Variants in RGS9 observed in about 807,000 individuals in gnomAD.
RGS9 encodes regulator of G protein signaling 9.
RGS9 carries 78 observed loss-of-function variants against 102.0 expected under a neutral mutation model. The ratio of observed to expected loss-of-function variants is 0.76; its 90% CI spans 0.64 to 0.92. RGS9 has a LOEUF of 0.92. RGS9 is among the 40% of genes least tolerant of loss of function. RGS9 has a pLI of 0.00. For missense variants in RGS9, 833 were observed against 866.1 expected, an observed-to-expected ratio of 0.96 and a Z score of 0.48; for synonymous variants, 353 against 318.6, an observed-to-expected ratio of 1.11 and a Z score of -1.15.
At chr17:65,223,777 G>A (rs1467509602) in intron 17 of RGS9, among the ~76,000 whole-genome samples, 1 of 146,474 alleles carries the variant, frequency 6.8e-6, no homozygotes, top group African/African-American at 2.5e-5. Flanking sequence ...TTAAGATGGA[G>A]TTTTGCTCTG....
intron 2 of RGS9, 73 bp downstream of exon 2, chr17:65,153,591 T>C: frequency 5.5e-6 from 7 of 1,280,466 alleles, no homozygotes; most frequent in Non-Finnish European, 4.6e-6. Flanking sequence ...CTCCTGTGTT[T>C]GTAAAAAACT....
At chr17:65,194,794 G>A (rs1912521020) in intron 12 of RGS9, among the ~76,000 whole-genome samples, 1 of 152,180 alleles carries the variant, frequency 6.6e-6, no homozygotes, top group Non-Finnish European at 1.5e-5. Context: ...GATGGGAAAG[G>A]AAGGAGTGCC....
At chr17:65,215,483 TC>T (rs1264628543) in intron 17 of RGS9, among the ~76,000 whole-genome samples, 1 of 115,012 alleles carries the variant, frequency 8.7e-6, no homozygotes, top group Admixed American at 8.6e-5. Context: ...TCTCTATCTT[TC>T]TTTCGTTCTT....
At chr17:65,158,209 AAGG>A (rs1291003681) in intron 2 of RGS9, 83 bp from the exon 3 acceptor site, 3 of 1,260,946 alleles carry the variant, frequency 2.4e-6, no homozygotes, top group Non-Finnish European at 3.5e-6. Context: ...GCTGAACGGG[AAGG>A]AGACCAGTCA....
intron 17 of RGS9, among the ~76,000 whole-genome samples, chr17:65,222,084 G>T (rs1407460293): frequency 6.6e-6 from 1 of 152,214 alleles, no homozygotes; most frequent in Non-Finnish European, 1.5e-5. Flanking sequence ...AGCTCATTTG[G>T]GTTGCTGGCA....
chr17:65,158,152 G>A (rs905744004), intron 2 of RGS9, 143 bp from the exon 3 acceptor site: 2 of 787,576 alleles, frequency 2.5e-6, no homozygotes, highest in Non-Finnish European at 2.3e-6. Context: ...TGAGCATGAT[G>A]AGGTGGGGGT....
chr17:65,199,488 C>CTTTTTTT (rs3034101), intron 13 of RGS9, among the ~76,000 whole-genome samples: 5 of 108,326 alleles, frequency 4.6e-5, no homozygotes, highest in Non-Finnish European at 8.8e-5. Context: ...GCTTCTGTTC[C>CTTTTTTT]TTTTTTTTTT....
At chr17:65,208,416 G>A (rs1913154192) in intron 16 of RGS9, among the ~76,000 whole-genome samples, 1 of 152,182 alleles carries the variant, frequency 6.6e-6, no homozygotes, top group African/African-American at 2.4e-5. Context: ...TGCACCCCAA[G>A]AGAAAATGCT....
chr17:65,143,625 TAC>T (rs539811474), intron 1 of RGS9, among the ~76,000 whole-genome samples: 8 of 149,908 alleles, frequency 5.3e-5, no homozygotes, highest in Non-Finnish European at 6.0e-5. Flanking sequence ...CTACCAAAAA[TAC>T]ACACACACAC....
chr17:65,171,937 G>A (rs560991048), intron 8 of RGS9, among the ~76,000 whole-genome samples: 31 of 152,308 alleles, frequency 2.0e-4, no homozygotes, highest in Middle Eastern at 3.4e-3. Flanking sequence ...TGCCTCCCAA[G>A]GATGTAGTCT....
Position 65,197,234 on chromosome 17 carries a change from A to G in RGS9, c.969A>G (p.Glu323=), listed in dbSNP as rs1471933920. The G allele has an allele frequency of 6.3e-7, 1 of 1,599,474 alleles. No individual in the cohort carries two copies. Among genetic ancestry groups the G allele is most frequent in the African/African-American group, 1.3e-5 (1 of 74,716 alleles). Residue 323 remains glutamate, a synonymous_variant, in exon 13 of 19, where the codon GAA becomes GAG. Coordinates refer to ENST00000262406, the MANE Select transcript of RGS9 (RefSeq NM_003835.4). ...GCTTCCAGTACTTCCTCAAGAAAGA[A>G]TTCAGTGGTGGGTCTTTGTTTACAA... ...RQSFQYFLKK[E]FSGENLGFWE...
At position 65,225,341 on chromosome 17, in the gene RGS9, A is replaced by G. The variant is rs771017551; in HGVS notation, c.1747A>G (p.Ser583Gly). ...PPKARMALSF[S>G]RFLRRGCLAS... is the part of the protein sequence containing the mutation. The stretch of plus-strand genomic sequence containing the variant: ...TAAGGCCCGCATGGCTCTGTCCTTC[A>G]GCAGGTTTCTGAGACGAGGCTGTCT... Residue 583 changes from serine (S) to glycine (G), a missense_variant, in exon 18 of 19, where the codon AGC becomes GGC. By Grantham distance (56) the Ser-to-Gly change is moderately conservative. Transcript: ENST00000262406. The G allele has an allele frequency of 1.2e-5, 20 of 1,611,350 alleles. No individual in the cohort carries two copies. In the South Asian group the frequency reaches 2.2e-4, roughly 18 times the overall value.
chr17:65,169,049 G>A (rs1336011999), intron 8 of RGS9, among the ~76,000 whole-genome samples: 1 of 152,204 alleles, frequency 6.6e-6, no homozygotes, highest in Admixed American at 6.5e-5. Flanking sequence ...CGAAGAGTTA[G>A]AAAGAAATGT....
At chr17:65,192,689 A>G (rs908952085) in intron 11 of RGS9, among the ~76,000 whole-genome samples, 1 of 152,132 alleles carries the variant, frequency 6.6e-6, no homozygotes, top group Non-Finnish European at 1.5e-5. Context: ...AGTTAATAAT[A>G]ATACAGTATG....
At chr17:65,137,944 G>A (rs1339771884) in intron 1 of RGS9, among the ~76,000 whole-genome samples, 1 of 152,114 alleles carries the variant, frequency 6.6e-6, no homozygotes, top group Non-Finnish European at 1.5e-5. Flanking sequence ...TGCCATTTTT[G>A]CCTTTTTTTT....
At chr17:65,199,554 C>G (rs1273947347) in intron 13 of RGS9, among the ~76,000 whole-genome samples, 1 of 133,620 alleles carries the variant, frequency 7.5e-6, no homozygotes, top group Admixed American at 8.8e-5. Flanking sequence ...AGCGCAGTGG[C>G]GTGATCTCAT....
intron 1 of RGS9, 42 bp downstream of exon 1, chr17:65,137,639 G>T (rs756272433): frequency 1.2e-6 from 2 of 1,602,114 alleles, no homozygotes; most frequent in South Asian, 1.1e-5. Context: ...GGAGGGCGGG[G>T]GACCGCATCT....
At chr17:65,155,233 G>A (rs1358734310) in intron 2 of RGS9, among the ~76,000 whole-genome samples, 2 of 152,168 alleles carry the variant, frequency 1.3e-5, no homozygotes, top group Non-Finnish European at 2.9e-5. Flanking sequence ...TGCAGCTGGG[G>A]CAATTCTTCC....
rs188215877 is a variant in RGS9 at position 65,176,330 on chromosome 17, T to C, written c.583-1402T>C. Among the ~76,000 whole-genome samples the C allele has an allele frequency of 1.1e-4, 16 of 152,344 alleles. No homozygotes were observed. In the East Asian group the frequency reaches 1.3e-3, roughly 13 times the overall value. On this transcript the variant is annotated intron_variant, in intron 8 of 18. Transcript: ENST00000262406. ...ATGAATACAACCCCTTGCTCAGCAA[T>C]AGCTACCTTCTGTGGAGAGCTTCAC... is the stretch of plus-strand genomic sequence containing the variant.
Sources: allele counts gnomAD v4.1 joint callset (sites outside exome capture counted in the v4.1 genomes callset), GRCh38; gene constraint gnomAD v4.1.1; transcripts MANE v1.5; gene names NCBI Gene and HGNC (gene_info 2026-07-23, HGNC 2026-07-21).